QRFPR: variants seen among roughly 807,000 people sequenced by gnomAD.
The protein encoded by QRFPR is pyroglutamylated RFamide peptide receptor.
A neutral mutation model predicts 31.3 loss-of-function variants in QRFPR; 37 were observed. The ratio of observed to expected loss-of-function variants is 1.18; its 90% CI spans 0.91 to 1.56. QRFPR has a LOEUF of 1.56. Among genes scored for constraint, QRFPR ranks in the 40% most tolerant of loss-of-function variants. The probability of loss-of-function intolerance (pLI) is 0.00; values close to 1 mark genes in which losing one functional copy is unlikely to be tolerated. For synonymous variants in QRFPR, 197 were observed against 192.0 expected (o/e 1.03, Z -0.22); for missense variants, 542 against 532.5 (o/e 1.02, Z -0.18).
In QRFPR at chr4:121,372,252, G is replaced by A. The variant is rs192987112; in HGVS notation, c.340+8056C>T. 3.1e-3 allele frequency among the ~76,000 whole-genome samples: 469 copies of A among 152,256 alleles called. 2 individuals carry two copies. The highest frequency in any genetic ancestry group is 0.01 in the African/African-American group (429 of 41,556). ...GGGGTATCTCTGGGTGTTTGAATAG[G>A]AGTGACGATGGCGCTCCCTGAGGTG... On this transcript the variant is annotated intron_variant, in intron 1 of 5. Coordinates refer to ENST00000394427, the MANE Select transcript of QRFPR (RefSeq NM_198179.3).
chr4:121,337,745 A>G (rs925573361), intron 2 of QRFPR, among the ~76,000 whole-genome samples: 1 of 152,134 alleles, frequency 6.6e-6, no homozygotes, highest in Non-Finnish European at 1.5e-5. Flanking sequence ...GAAAACAAAC[A>G]CTGATAACTT....
At chr4:121,370,716 G>T (rs539053228) in intron 1 of QRFPR, among the ~76,000 whole-genome samples, 1 of 152,132 alleles carries the variant, frequency 6.6e-6, no homozygotes, top group African/African-American at 2.4e-5. Context: ...TTTTTAAAAC[G>T]TTAACATATT....
intron 1 of QRFPR, among the ~76,000 whole-genome samples, chr4:121,360,894 T>C (rs574215339): frequency 6.6e-6 from 1 of 152,292 alleles, no homozygotes; most frequent in African/African-American, 2.4e-5. Context: ...AAGCTTGTTG[T>C]CTCTCCCCAA....
chr4:121,335,075 A>G (rs905588532), intron 3 of QRFPR, among the ~76,000 whole-genome samples: 2 of 152,326 alleles, frequency 1.3e-5, no homozygotes, highest in African/African-American at 4.8e-5. Context: ...CCTGACAGGA[A>G]GCAACTTTGA....
At chr4:121,350,258 A>T (rs1267162801) in intron 1 of QRFPR, among the ~76,000 whole-genome samples, 2 of 152,174 alleles carry the variant, frequency 1.3e-5, no homozygotes, top group African/African-American at 4.8e-5. Flanking sequence ...ATGTTTATAG[A>T]ATTTTTGGCA....
intron 1 of QRFPR, among the ~76,000 whole-genome samples, chr4:121,368,450 G>A (rs1560745211): frequency 6.6e-6 from 1 of 150,492 alleles, no homozygotes; most frequent in African/African-American, 2.5e-5. Context: ...GAAAGGCTCT[G>A]CTAGACTAGT....
chr4:121,343,420 A>G (rs1048022041), intron 1 of QRFPR, among the ~76,000 whole-genome samples: 26 of 152,320 alleles, frequency 1.7e-4, no homozygotes, highest in Non-Finnish European at 3.1e-4. Context: ...ACTCACTTCT[A>G]TTCCTTGTTA....
At chr4:121,330,784 A>G (rs1725306850) in intron 4 of QRFPR, among the ~76,000 whole-genome samples, 2 of 152,148 alleles carry the variant, frequency 1.3e-5, no homozygotes, top group South Asian at 2.1e-4. Flanking sequence ...AATTTACCCA[A>G]TAAGGCATTT....
intron 1 of QRFPR, among the ~76,000 whole-genome samples, chr4:121,365,915 AT>A (rs1726127763): frequency 6.8e-6 from 1 of 147,062 alleles, no homozygotes; most frequent in Non-Finnish European, 1.5e-5. Context: ...ATGTATATAT[AT>A]TAGGGGCCTC....
intron 3 of QRFPR, chr4:121,334,367 A>G (rs546188802): frequency 1.3e-5 from 2 of 154,630 alleles, no homozygotes; most frequent in African/African-American, 4.8e-5. Flanking sequence ...CTAAAATTCC[A>G]CTGCCTAATA....
rs139358478 is a variant in QRFPR at position 121,380,379 on chromosome 4, C to T, written c.269G>A (p.Ser90Asn). Residue 90 changes from serine (S) to asparagine (N), a missense_variant, in exon 1 of 6, where the codon AGT (serine) becomes AAT (asparagine). Ser to Asn is a conservative substitution (Grantham distance 46). Coordinates refer to ENST00000394427, the MANE Select transcript of QRFPR (RefSeq NM_198179.3). ...GCAGAAGAAGGTGATGAGCAGGTCA[C>T]TGAGCGCCAAGGAGCAGATAAAGAT... ...TNIFICSLAL[S>N]DLLITFFCIP... 741 of 1,614,204 alleles carry T rather than the reference C, an allele frequency of 4.6e-4. 7 individuals carry two copies. The African/African-American group carries it at 9.0e-3, about 20-fold the overall frequency.
At chr4:121,332,008 A>G (rs1326774266) in intron 4 of QRFPR, among the ~76,000 whole-genome samples, 2 of 152,136 alleles carry the variant, frequency 1.3e-5, no homozygotes, top group Admixed American at 6.6e-5. Flanking sequence ...GGGAGGAACC[A>G]ACTTAACGAT....
At position 121,380,549 on chromosome 4, in the gene QRFPR, C is replaced by A. The variant is rs1474739957; in HGVS notation, c.99G>T (p.Pro33=). The change falls in exon 1 of 6, where the codon CCG becomes CCT. Residue 33 remains proline, a synonymous_variant. Coordinates refer to ENST00000394427, the MANE Select transcript of QRFPR (RefSeq NM_198179.3). ...CCGGCAGCTCTGGGGTGTAGACGAGCGGTCGCAGCCGGTACAGAGCGATGA... is the reference window on the plus strand; with the variant it reads ...CCGGCAGCTCTGGGGTGTAGACGAGAGGTCGCAGCCGGTACAGAGCGATGA... ...EQFIALYRLR[P]LVYTPELPGR... is the part of the protein sequence containing the mutation. The A allele has an allele frequency of 1.2e-6, 2 of 1,608,176 alleles. No homozygotes were observed. The highest frequency in any genetic ancestry group is 1.3e-5 in the African/African-American group (1 of 74,280).
chr4:121,352,787 C>A (rs1725788737), intron 1 of QRFPR, among the ~76,000 whole-genome samples: 1 of 151,978 alleles, frequency 6.6e-6, no homozygotes, highest in Non-Finnish European at 1.5e-5. Context: ...TAAACATAGT[C>A]ACCCTATTGT....
chr4:121,343,313 C>T (rs1047684673), intron 1 of QRFPR, among the ~76,000 whole-genome samples: 3 of 152,198 alleles, frequency 2.0e-5, no homozygotes, highest in Non-Finnish European at 4.4e-5. Context: ...ATCACCTATC[C>T]TATCCCTAAG....
At chr4:121,349,592 A>AC (rs777883411) in intron 1 of QRFPR, among the ~76,000 whole-genome samples, 25 of 152,064 alleles carry the variant, frequency 1.6e-4, no homozygotes, top group Non-Finnish European at 2.2e-4. Flanking sequence ...CCAGACACAT[A>AC]CCCCCCATTT....
At chr4:121,370,124 C>T (rs370949856) in intron 1 of QRFPR, 2 of 766,566 alleles carry the variant, frequency 2.6e-6, no homozygotes, top group Non-Finnish European at 4.9e-6. Flanking sequence ...GTAGACTGGC[C>T]TCTCCTTCCT....
chr4:121,328,914 C>G lies in QRFPR; in HGVS notation c.*400G>C, dbSNP rs932689342. Among the ~76,000 whole-genome samples the G allele has an allele frequency of 6.6e-6, 1 of 152,126 alleles. No homozygotes were observed. The highest frequency in any genetic ancestry group is 2.4e-5 in the African/African-American group (1 of 41,428). On this transcript the variant is annotated 3_prime_UTR_variant, in exon 6 of 6. Coordinates refer to ENST00000394427, the MANE Select transcript of QRFPR (RefSeq NM_198179.3). ...GGGACTACAGGTGCCCGCCACCACG[C>G]CCGGCTAATTTTTGTATTTTTAGCA...
intron 4 of QRFPR, among the ~76,000 whole-genome samples, chr4:121,331,416 T>C (rs1330248675): frequency 1.3e-5 from 2 of 151,080 alleles, no homozygotes; most frequent in African/African-American, 2.4e-5. Context: ...ACTCCTGGGC[T>C]CAAGCAATCT....
Sources: gnomAD v4.1 joint callset for allele counts (sites outside exome capture counted in the v4.1 genomes callset) on GRCh38, gnomAD v4.1.1 for gene constraint, MANE v1.5 for transcripts, NCBI Gene and HGNC (gene_info 2026-07-23, HGNC 2026-07-21) for gene names.